NT5E: variants seen among roughly 807,000 people sequenced by gnomAD.
NT5E encodes the protein 5'-nucleotidase.
In NT5E, 53 loss-of-function variants were observed where a neutral mutation model predicts 55.1. The ratio of observed to expected loss-of-function variants is 0.96; its 90% CI spans 0.77 to 1.21. The LOEUF (loss-of-function observed/expected upper bound fraction) is 1.21. Ranked by LOEUF, NT5E falls within the 50% of genes most tolerant of loss-of-function variation. NT5E has a pLI of 0.00. For synonymous variants in NT5E, 270 were observed against 278.4 expected (o/e 0.97, Z 0.30); for missense variants, 683 against 724.3 (o/e 0.94, Z 0.65).
intron 3 of NT5E, among the ~76,000 whole-genome samples, chr6:85,483,166 C>T (rs931782575): frequency 1.3e-5 from 2 of 152,118 alleles, no homozygotes; most frequent in African/African-American, 4.8e-5. Flanking sequence ...AAGATAAAGG[C>T]CAAAAAAAGA....
chr6:85,480,377 C>T (rs1332563440), intron 3 of NT5E, among the ~76,000 whole-genome samples: 1 of 152,200 alleles, frequency 6.6e-6, no homozygotes, highest in Non-Finnish European at 1.5e-5. Context: ...CAGTACCTGA[C>T]CCCTCAAATT....
At chr6:85,490,702 G>A in intron 7 of NT5E, 45 bp downstream of exon 7, 1 of 1,608,864 alleles carries the variant, frequency 6.2e-7, no homozygotes, top group Non-Finnish European at 8.5e-7. Flanking sequence ...AAGTGACATG[G>A]CATTTCCTGC....
At chr6:85,456,222 G>T (rs1352073769) in intron 1 of NT5E, among the ~76,000 whole-genome samples, 1 of 152,162 alleles carries the variant, frequency 6.6e-6, no homozygotes, top group Non-Finnish European at 1.5e-5. Flanking sequence ...CATGGAGTGG[G>T]CATGGAAGCT....
chr6:85,491,946 T>G (rs1214893452), intron 7 of NT5E, 31 bp from the exon 8 acceptor site: 2 of 1,600,252 alleles, frequency 1.2e-6, no homozygotes, highest in Admixed American at 1.7e-5. Context: ...TCCCTTTGGA[T>G]CTGGTGAAAA....
intron 3 of NT5E, among the ~76,000 whole-genome samples, chr6:85,478,375 A>G (rs1582381316): frequency 6.6e-6 from 1 of 152,356 alleles, no homozygotes; most frequent in East Asian, 1.9e-4. Flanking sequence ...GCTACTGTGA[A>G]GTCTTAAGCC....
chr6:85,494,030 T>A lies in NT5E; in HGVS notation c.*26T>A. On this transcript the variant is annotated 3_prime_UTR_variant, in exon 9 of 9. Coordinates refer to ENST00000257770, the MANE Select transcript of NT5E (RefSeq NM_002526.4). ...CCAAAAATTCTCCTTGCCTTTAATG[T>A]GTGAAACTGCATTTTTTCAAGTGAG... 6.2e-7 allele frequency: 1 copy of A among 1,611,606 alleles called. No homozygotes were observed. The highest frequency in any genetic ancestry group is 1.1e-5 in the South Asian group (1 of 91,002).
intron 1 of NT5E, among the ~76,000 whole-genome samples, chr6:85,451,221 G>GGAAAGAAA (rs60109423): frequency 8.6e-5 from 13 of 151,546 alleles, no homozygotes; most frequent in South Asian, 2.1e-4. Context: ...GTTAAGAAAA[G>GGAAAGAAA]GAAAGAAAGA....
chr6:85,460,595 A>C (rs1250490677), intron 1 of NT5E, among the ~76,000 whole-genome samples: 1 of 152,202 alleles, frequency 6.6e-6, no homozygotes, highest in Non-Finnish European at 1.5e-5. Context: ...AGTCACACTG[A>C]AACTCTGCTG....
At chr6:85,452,424 C>G (rs1448291523) in intron 1 of NT5E, among the ~76,000 whole-genome samples, 1 of 152,132 alleles carries the variant, frequency 6.6e-6, no homozygotes, top group Non-Finnish European at 1.5e-5. Context: ...CTAGGTGAGG[C>G]CTGAGTAAAC....
In NT5E at chr6:85,485,403, C is replaced by T. The variant is rs1306479147; in HGVS notation, c.920C>T (p.Pro307Leu). The change falls in exon 4 of 9, where the codon CCC becomes CTC. Residue 307 changes from proline (P) to leucine (L), a missense_variant. Transcript: ENST00000257770. ...RGNVISSHGN[P>L]ILLNSSIPED... ...AACGTCATCTCTTCCCATGGAAATC[C>T]CATTCTTCTAAACAGCAGCATTCCT... The T allele has an allele frequency of 6.2e-7, 1 of 1,614,214 alleles. No individual in the cohort carries two copies. Among genetic ancestry groups the T allele is most frequent in the South Asian group, 1.1e-5 (1 of 91,078 alleles).
At chr6:85,451,738 G>A (rs931302714) in intron 1 of NT5E, among the ~76,000 whole-genome samples, 2 of 152,192 alleles carry the variant, frequency 1.3e-5, no homozygotes, top group Admixed American at 1.3e-4. Context: ...CACTTTATAT[G>A]AGAAGAGCTT....
intron 1 of NT5E, among the ~76,000 whole-genome samples, chr6:85,451,841 A>G (rs1167688041): frequency 6.6e-6 from 1 of 152,194 alleles, no homozygotes; most frequent in Non-Finnish European, 1.5e-5. Context: ...AGATGATAAG[A>G]GGGCACCATT....
Position 85,459,350 on chromosome 6 carries a change from T to C in NT5E, c.340-7710T>C, listed in dbSNP as rs1388264412. 2.0e-5 allele frequency among the ~76,000 whole-genome samples: 3 copies of C among 152,260 alleles called. No individual in the cohort carries two copies. The South Asian group carries it at 6.2e-4, about 31-fold the overall frequency. On this transcript the variant is annotated intron_variant, in intron 1 of 8. Coordinates refer to ENST00000257770, the MANE Select transcript of NT5E (RefSeq NM_002526.4). The stretch of plus-strand genomic sequence containing the variant: ...GCTAGCGTGTAAGTGACTAGCTAAA[T>C]AAATGTGCTGCAAACCTCTGACAAA...
At chr6:85,466,311 T>C (rs1035981758) in intron 1 of NT5E, among the ~76,000 whole-genome samples, 3 of 152,196 alleles carry the variant, frequency 2.0e-5, no homozygotes, top group Non-Finnish European at 4.4e-5. Flanking sequence ...TCACCATCCC[T>C]GCTCCTCCTG....
intron 5 of NT5E, among the ~76,000 whole-genome samples, chr6:85,488,803 A>G (rs1208538010): frequency 1.4e-5 from 2 of 146,954 alleles, no homozygotes; most frequent in East Asian, 4.0e-4. Context: ...CTGGTCTCGA[A>G]CTCCTGACCT....
chr6:85,461,149 CA>C (rs1490815049), intron 1 of NT5E, among the ~76,000 whole-genome samples: 1 of 152,080 alleles, frequency 6.6e-6, no homozygotes, highest in East Asian at 1.9e-4. Flanking sequence ...AATGAATGAA[CA>C]AATAAATAAT....
rs750982860 is a variant in NT5E at position 85,485,316 on chromosome 6, T to C, written c.833T>C (p.Val278Ala). 8.1e-6 allele frequency: 13 copies of C among 1,614,190 alleles called. No individual in the cohort carries two copies. The South Asian group carries it at 1.4e-4, about 18-fold the overall frequency. ...TSDDGRKVPV[V>A]QAYAFGKYLG... Reference sequence around the variant, plus strand: ...GATGATGGGCGGAAGGTTCCTGTAGTCCAGGCCTATGCTTTTGGCAAATAC... The same window carrying C: ...GATGATGGGCGGAAGGTTCCTGTAGCCCAGGCCTATGCTTTTGGCAAATAC... Residue 278 changes from valine to alanine, a missense_variant, in exon 4 of 9, where the codon GTC becomes GCC. Coordinates refer to ENST00000257770, the MANE Select transcript of NT5E (RefSeq NM_002526.4).
intron 2 of NT5E, among the ~76,000 whole-genome samples, chr6:85,469,980 C>A (rs980459704): frequency 6.6e-6 from 1 of 152,206 alleles, no homozygotes; most frequent in African/African-American, 2.4e-5. Context: ...TGGATTAGTA[C>A]TTTTCAAACT....
chr6:85,452,168 C>T (rs566807084), intron 1 of NT5E, among the ~76,000 whole-genome samples: 49 of 152,328 alleles, frequency 3.2e-4, no homozygotes, highest in Non-Finnish European at 5.9e-4. Flanking sequence ...TTGTTGCTAC[C>T]CTGTGTCTCC....
Sources: allele counts gnomAD v4.1 joint callset (sites outside exome capture counted in the v4.1 genomes callset), GRCh38; gene constraint gnomAD v4.1.1; transcripts MANE v1.5; gene names NCBI Gene and HGNC (gene_info 2026-07-23, HGNC 2026-07-21).